The following CPEB1 variants were observed in gnomAD, a reference collection of about 807,000 sequenced individuals.
CPEB1 encodes cytoplasmic polyadenylation element binding protein 1.
Under a neutral mutation model 65.8 loss-of-function variants are expected in CPEB1, and 7 were observed. The ratio of observed to expected loss-of-function variants is 0.11; its 90% confidence interval spans 0.06 to 0.20. The LOEUF (loss-of-function observed/expected upper bound fraction) is 0.20. Ranked by LOEUF, CPEB1 falls within the 10% of genes least tolerant of loss-of-function variation. The pLI is 1.00. For missense variants in CPEB1, 551 were observed against 712.2 expected (o/e 0.77, Z 2.58); for synonymous variants, 262 against 260.0 (o/e 1.01, Z -0.08).
chr15:82,595,986 G>T (rs1022421979), intron 3 of CPEB1, among the ~76,000 whole-genome samples: 1 of 152,190 alleles, frequency 6.6e-6, no homozygotes, highest in Non-Finnish European at 1.5e-5. Context: ...GACATGTGAA[G>T]TACTGCCATG....
intron 3 of CPEB1, among the ~76,000 whole-genome samples, chr15:82,582,532 A>G (rs1331398414): frequency 6.6e-6 from 1 of 152,168 alleles, no homozygotes; most frequent in African/African-American, 2.4e-5. Context: ...CAGAAGATCC[A>G]AATCTCGATT....
At chr15:82,546,191 C>T (rs781509279) in intron 12 of CPEB1, among the ~76,000 whole-genome samples, 19 of 152,128 alleles carry the variant, frequency 1.2e-4, no homozygotes, top group Non-Finnish European at 2.9e-5. Flanking sequence ...CTCACTGCAA[C>T]CTCCGCCTCC....
At chr15:82,569,513 G>T (rs116010495) in intron 4 of CPEB1, among the ~76,000 whole-genome samples, 1 of 152,318 alleles carries the variant, frequency 6.6e-6, no homozygotes, top group African/African-American at 2.4e-5. Flanking sequence ...GGGATGGAAA[G>T]TGGAAAAGAA....
chr15:82,588,400 G>A (rs893364822), intron 3 of CPEB1, among the ~76,000 whole-genome samples: 1 of 152,120 alleles, frequency 6.6e-6, no homozygotes, highest in Admixed American at 6.6e-5. Context: ...ATACAAGCAT[G>A]TATACACATA....
intron 3 of CPEB1, among the ~76,000 whole-genome samples, chr15:82,621,319 TA>T (rs72147191): frequency 0.27 from 39,675 of 145,630 alleles, 5,584 homozygotes; most frequent in African/African-American, 0.36. Context: ...CCATGTCTCT[TA>T]AAAAAAAAAA....
intron 1 of CPEB1, chr15:82,629,663 C>T: frequency 1.0e-6 from 1 of 980,550 alleles, no homozygotes; most frequent in Non-Finnish European, 1.2e-6. Context: ...GGGGAGCCTG[C>T]CTCATCAGTT....
chr15:82,600,419 A>C (rs1411174186), intron 3 of CPEB1, among the ~76,000 whole-genome samples: 1 of 152,218 alleles, frequency 6.6e-6, no homozygotes, highest in East Asian at 1.9e-4. Context: ...CTTGAGCAGA[A>C]GGAAAGTGAA....
chr15:82,560,216 G>A (rs1156558045), intron 4 of CPEB1, among the ~76,000 whole-genome samples: 1 of 152,182 alleles, frequency 6.6e-6, no homozygotes, highest in Non-Finnish European at 1.5e-5. Context: ...GCCTGGCAAA[G>A]AGGCACTGTG....
chr15:82,607,523 G>T (rs986392312), intron 3 of CPEB1, among the ~76,000 whole-genome samples: 1 of 152,082 alleles, frequency 6.6e-6, no homozygotes, highest in African/African-American at 2.4e-5. Flanking sequence ...GGAAGCAGAA[G>T]TTGCAGTGAG....
At position 82,621,319 on chromosome 15, in the gene CPEB1, TAAA is replaced by T. The variant is rs72147191; in HGVS notation, c.271+5871_271+5873del. 9.4e-4 allele frequency among the ~76,000 whole-genome samples: 137 copies of T among 145,758 alleles called. 1 individual carries two copies. The highest frequency in any genetic ancestry group is 2.5e-3 in the South Asian group (11 of 4,460). On this transcript the variant is annotated intron_variant, in intron 3 of 12. Coordinates refer to ENST00000684509, the MANE Select transcript of CPEB1 (RefSeq NM_001365242.1). ...GGCAACACAGTGACACCATGTCTCT[TAAA>T]AAAAAAAAAAAAATCCAGGCCAGGT...
intron 3 of CPEB1, among the ~76,000 whole-genome samples, chr15:82,578,173 T>C (rs2040874563): frequency 6.6e-6 from 1 of 152,096 alleles, no homozygotes; most frequent in Admixed American, 6.5e-5. Context: ...GCTACATTGA[T>C]AAAGCATTAT....
At chr15:82,561,937 T>C (rs1354264354) in intron 4 of CPEB1, among the ~76,000 whole-genome samples, 2 of 152,228 alleles carry the variant, frequency 1.3e-5, no homozygotes, top group Admixed American at 6.5e-5. Context: ...CCAGGTTCAG[T>C]TAAGCTTCTA....
chr15:82,646,742 G>A (rs2047577128), intron 1 of CPEB1, among the ~76,000 whole-genome samples: 1 of 152,176 alleles, frequency 6.6e-6, no homozygotes, highest in Non-Finnish European at 1.5e-5. Flanking sequence ...GCAAAGCCTC[G>A]GTCGACTCGA....
chr15:82,606,241 G>A (rs1052203662), intron 3 of CPEB1, among the ~76,000 whole-genome samples: 3 of 151,984 alleles, frequency 2.0e-5, no homozygotes, highest in African/African-American at 7.3e-5. Context: ...GCCGAGGCAG[G>A]CGGATCACTT....
chr15:82,547,217 T>C lies in CPEB1; in HGVS notation c.1501A>G (p.Asn501Asp), dbSNP rs1279905913. Residue 501 changes from asparagine (N) to aspartate (D), a missense_variant, in exon 11 of 13, where the codon AAT becomes GAT. Asn to Asp is a conservative substitution (Grantham distance 23, BLOSUM62 1). Around this residue, in one of 6 missense-constraint regions of CPEB1, gnomAD observed 98 missense variants for 157.6 expected, o/e 0.62. Coordinates refer to ENST00000684509, the MANE Select transcript of CPEB1 (RefSeq NM_001365242.1). ...GCTTTCAGGTAACTCCGTTGGTTAT[T>C]GAAAGTCACACGACCAGAACCTAGG... ...YPIGSGRVTF[N>D]NQRSYLKAVS... The C allele has an allele frequency of 3.1e-6, 5 of 1,612,686 alleles. No individual in the cohort carries two copies. The highest frequency in any genetic ancestry group is 3.4e-6 in the Non-Finnish European group (4 of 1,178,922).
Position 82,544,277 on chromosome 15 carries a change from T to TG in CPEB1, c.*314_*315insC. ...CAATACCTTCTGGACACGTAGTTTT[T>TG]TTTTTTTTTTTTTTTTTCCCCGCTT... On this transcript the variant is annotated 3_prime_UTR_variant, in exon 13 of 13. Transcript: ENST00000684509. 1 of 216,568 alleles carries TG rather than the reference T, an allele frequency of 4.6e-6. No individual in the cohort carries two copies. Among genetic ancestry groups the TG allele is most frequent in the South Asian group, 1.3e-4 (1 of 7,888 alleles). The allele number at this position is 216,568 out of a possible 1,614,324, so 13.4% of individuals were successfully genotyped here.
chr15:82,578,119 A>G (rs1035669348), intron 3 of CPEB1, among the ~76,000 whole-genome samples: 3 of 152,130 alleles, frequency 2.0e-5, no homozygotes, highest in Non-Finnish European at 4.4e-5. Context: ...CAGCCTGGGC[A>G]ACAGAGCGAG....
intron 12 of CPEB1, 108 bp from the exon 13 acceptor site, chr15:82,544,810 A>C: frequency 2.5e-6 from 2 of 801,096 alleles, no homozygotes; most frequent in Non-Finnish European, 4.2e-6. Flanking sequence ...GAGACTCCCG[A>C]TGGCCTCTGT....
chr15:82,637,563 T>C (rs1386635739), intron 1 of CPEB1, among the ~76,000 whole-genome samples: 1 of 152,154 alleles, frequency 6.6e-6, no homozygotes, highest in African/African-American at 2.4e-5. Flanking sequence ...CCTTTACTCA[T>C]CTCTTTAACC....
Sources: gnomAD v4.1 joint callset for allele counts (sites outside exome capture counted in the v4.1 genomes callset) on GRCh38, gnomAD v4.1.1 for gene constraint, gnomAD v4.1.1 regional missense constraint, MANE v1.5 for transcripts, NCBI Gene and HGNC (gene_info 2026-07-23, HGNC 2026-07-21) for gene names.